SUMF1: variants seen among roughly 807,000 people sequenced by gnomAD.
SUMF1 encodes the protein sulfatase modifying factor 1, also known as formylglycine-generating enzyme.
In SUMF1, 48 loss-of-function variants were observed where a neutral mutation model predicts 47.6. The observed-to-expected ratio is 1.01, with a 90% CI of 0.80 to 1.28. The LOEUF (loss-of-function observed/expected upper bound fraction) is 1.28. Among genes scored for constraint, SUMF1 ranks in the 50% most tolerant of loss-of-function variants. SUMF1 has a pLI of 0.00. For missense variants in SUMF1, 571 were observed against 485.4 expected, an observed-to-expected ratio of 1.18 and a Z score of -1.66; for synonymous variants, 230 against 192.1, an observed-to-expected ratio of 1.20 and a Z score of -1.63.
rs142449470 is a variant in SUMF1, at chr3:4,313,581, T to C, written c.1014+62749A>G. On this transcript the variant is annotated intron_variant and NMD_transcript_variant, in intron 8 of 12. Coordinates refer to the SUMF1 transcript ENST00000448413. The stretch of plus-strand genomic sequence containing the variant: ...GTGAAGACAAAGAAAGGCTAGATCA[T>C]GGGAAACTAAGGAAACCTTGTTACT... 1.8e-3 allele frequency: 2,892 copies of C among 1,614,082 alleles called. 10 individuals carry two copies. Among genetic ancestry groups the C allele is most frequent in the Middle Eastern group, 7.1e-3 (43 of 6,062 alleles).
chr3:4,114,158 A>G (rs1471437391), intron 8 of SUMF1, among the ~76,000 whole-genome samples: 4 of 152,100 alleles, frequency 2.6e-5, no homozygotes, highest in Admixed American at 2.0e-4. Context: ...TTCCTGTTAC[A>G]CCACTGAACT....
intron 8 of SUMF1, among the ~76,000 whole-genome samples, chr3:4,367,495 C>A (rs1700016754): frequency 6.6e-6 from 1 of 151,770 alleles, no homozygotes; most frequent in African/African-American, 2.4e-5. Context: ...CTTTAAAGTT[C>A]ATATGGAACT....
chr3:4,455,468 C>G (rs1397932918), intron 1 of SUMF1, among the ~76,000 whole-genome samples: 1 of 152,306 alleles, frequency 6.6e-6, no homozygotes, highest in African/African-American at 2.4e-5. Flanking sequence ...GTAATCCTAG[C>G]ACTTTGGGAG....
In SUMF1 at chr3:4,418,036, G is replaced by C; in HGVS notation, c.699C>G (p.Tyr233Ter). The C allele has an allele frequency of 1.2e-6, 2 of 1,614,054 alleles. No individual in the cohort carries two copies. Among genetic ancestry groups the C allele is most frequent in the Non-Finnish European group, 1.7e-6 (2 of 1,180,040 alleles). ...KRLPTEAEWE[Y>*]SCRGGLHNRL... ...TATTATGCAGGCCTCCTCGACAGCT[G>C]TATTCCCACTCAGCTTCCGTGGGCA... Residue 233 changes from tyrosine to a stop codon, truncating the protein, a stop_gained, in exon 5 of 9, where the codon TAC (tyrosine) becomes TAG (stop). Transcript: ENST00000272902. LOFTEE classifies it high-confidence loss of function.
intron 8 of SUMF1, among the ~76,000 whole-genome samples, chr3:4,104,958 A>G (rs1194080804): frequency 6.6e-6 from 1 of 152,174 alleles, no homozygotes; most frequent in East Asian, 1.9e-4. Context: ...CACAATTGCC[A>G]AGATATGGAA....
At chr3:4,035,614 C>T (rs1370145934) in intron 9 of SUMF1, among the ~76,000 whole-genome samples, 1 of 152,170 alleles carries the variant, frequency 6.6e-6, no homozygotes, top group East Asian at 1.9e-4. Context: ...CACAACTCAA[C>T]CTTCTATAGG....
At chr3:4,320,772 G>A (rs1010624526) in intron 8 of SUMF1, among the ~76,000 whole-genome samples, 16 of 152,152 alleles carry the variant, frequency 1.1e-4, no homozygotes, top group Admixed American at 5.2e-4. Flanking sequence ...TCCTAGGGAG[G>A]AGTCTCAACA....
At chr3:4,174,901 G>A (rs1187278584) in intron 8 of SUMF1, among the ~76,000 whole-genome samples, 3 of 152,216 alleles carry the variant, frequency 2.0e-5, no homozygotes, top group Admixed American at 6.5e-5. Context: ...TGGCTCGGCA[G>A]CTCCCACACC....
At chr3:4,081,845 C>A (rs970664222) in intron 8 of SUMF1, among the ~76,000 whole-genome samples, 1 of 152,072 alleles carries the variant, frequency 6.6e-6, no homozygotes, top group African/African-American at 2.4e-5. Context: ...GGAACTCTGA[C>A]TGATAAAGTA....
At chr3:4,215,251 T>C (rs1371504328) in intron 8 of SUMF1, among the ~76,000 whole-genome samples, 1 of 152,082 alleles carries the variant, frequency 6.6e-6, no homozygotes, top group African/African-American at 2.4e-5. Context: ...CATATGCAAA[T>C]CAATAAACAT....
rs1695536259 is a variant in SUMF1 at position 4,201,336 on chromosome 3, T to G, written c.1015-132591A>C. Among the ~76,000 whole-genome samples the G allele has an allele frequency of 2.0e-5, 3 of 152,060 alleles. No individual in the cohort carries two copies. The South Asian group carries it at 6.2e-4, about 32-fold the overall frequency. On this transcript the variant is annotated intron_variant and NMD_transcript_variant, in intron 8 of 12. Coordinates refer to the SUMF1 transcript ENST00000448413. Reference sequence around the variant, plus strand: ...GTAACCATCATTCTACTACTCTCTATCTCCATGAGTTCAATTGCTTTAATT... The same window carrying G: ...GTAACCATCATTCTACTACTCTCTAGCTCCATGAGTTCAATTGCTTTAATT...
At chr3:4,041,351 C>T (rs541358845) in intron 9 of SUMF1, among the ~76,000 whole-genome samples, 5 of 152,212 alleles carry the variant, frequency 3.3e-5, no homozygotes, top group Non-Finnish European at 7.3e-5. Context: ...AAATTACAGG[C>T]ATGAGCCACA....
At chr3:4,072,786 A>G (rs1692303710) in intron 8 of SUMF1, among the ~76,000 whole-genome samples, 1 of 152,164 alleles carries the variant, frequency 6.6e-6, no homozygotes, top group African/African-American at 2.4e-5. Context: ...ATTAGAGAAA[A>G]AAAGAGTGAA....
At chr3:4,044,179 G>C (rs1048925163) in intron 9 of SUMF1, among the ~76,000 whole-genome samples, 10 of 152,150 alleles carry the variant, frequency 6.6e-5, no homozygotes, top group African/African-American at 2.2e-4. Flanking sequence ...TCTTATGTTA[G>C]AATGCGTAAC....
At chr3:4,442,222 T>C (rs903242931) in intron 3 of SUMF1, among the ~76,000 whole-genome samples, 16 of 151,420 alleles carry the variant, frequency 1.1e-4, no homozygotes, top group Admixed American at 9.2e-4. Flanking sequence ...GGTAAGAACG[T>C]GTGAAGGCAC....
At chr3:4,109,042 T>G (rs1447542017) in intron 8 of SUMF1, among the ~76,000 whole-genome samples, 1 of 152,140 alleles carries the variant, frequency 6.6e-6, no homozygotes, top group Non-Finnish European at 1.5e-5. Flanking sequence ...CAATTTGGCA[T>G]GTTTTTGCAG....
chr3:4,044,927 T>A (rs1171647206), intron 9 of SUMF1, among the ~76,000 whole-genome samples: 2 of 152,028 alleles, frequency 1.3e-5, no homozygotes, highest in Non-Finnish European at 2.9e-5. Context: ...GAAAAAATAC[T>A]TAAAGAGATA....
intron 8 of SUMF1, among the ~76,000 whole-genome samples, chr3:4,230,696 C>G (rs1321925051): frequency 6.6e-6 from 1 of 152,032 alleles, no homozygotes; most frequent in Non-Finnish European, 1.5e-5. Context: ...CTCTCTCTTC[C>G]CCAGTGGTGG....
At chr3:4,457,102 T>C (rs1172398709) in intron 1 of SUMF1, among the ~76,000 whole-genome samples, 1 of 129,392 alleles carries the variant, frequency 7.7e-6, no homozygotes, top group Non-Finnish European at 1.7e-5. Context: ...ATATTTTTTT[T>C]GTTTTGTTTT....
Sources: allele counts gnomAD v4.1 joint callset (sites outside exome capture counted in the v4.1 genomes callset), GRCh38; gene constraint gnomAD v4.1.1; transcripts MANE v1.5; gene names NCBI Gene and HGNC (gene_info 2026-07-23, HGNC 2026-07-21).